The following SLC9A3 variants were observed in gnomAD, a reference collection of about 807,000 sequenced individuals.
SLC9A3 encodes sodium/hydrogen exchanger 3.
A neutral mutation model predicts 86.8 loss-of-function variants in SLC9A3; 37 were observed. That is an observed-to-expected ratio of 0.43 (90% CI 0.33 to 0.56). The LOEUF is 0.56. SLC9A3 is among the 20% of genes least tolerant of loss of function. The pLI is 0.06. For synonymous variants in SLC9A3, 581 were observed against 528.3 expected, an observed-to-expected ratio of 1.10 and a Z score of -1.37; for missense variants, 1,011 against 1,171.9, an observed-to-expected ratio of 0.86 and a Z score of 2.00.
At chr5:506,412 G>A (rs1048462535) in intron 1 of SLC9A3, among the ~76,000 whole-genome samples, 2 of 152,198 alleles carry the variant, frequency 1.3e-5, no homozygotes, top group East Asian at 3.9e-4. Flanking sequence ...GGTGTGCCCC[G>A]TGTCTCCATC....
At position 477,204 on chromosome 5, in the gene SLC9A3, CCT is replaced by C. The variant is rs1738803132; in HGVS notation, c.1760+126_1760+127del. 1.3e-5 allele frequency: 8 copies of C among 635,316 alleles called. No homozygotes were observed. The East Asian group carries it at 2.2e-4, about 18-fold the overall frequency. 39.4% of individuals were successfully genotyped at this position (635,316 alleles called of 1,614,324 possible). On this transcript the variant is annotated intron_variant, in intron 11 of 16. Coordinates refer to ENST00000264938, the MANE Select transcript of SLC9A3 (RefSeq NM_004174.4). ...GGCTTGTGGAAGGAGACACCCACCC[CCT>C]CTTTCTGCACCTCTCCCCTCTTCCA...
intron 1 of SLC9A3, among the ~76,000 whole-genome samples, chr5:505,721 C>T (rs1484602505): frequency 2.8e-5 from 1 of 35,782 alleles, no homozygotes; most frequent in Non-Finnish European, 6.0e-5. Flanking sequence ...AGAGTGACCA[C>T]GGAGAGGGGA....
intron 5 of SLC9A3, among the ~76,000 whole-genome samples, chr5:483,937 A>G (rs1385474042): frequency 6.6e-6 from 1 of 152,258 alleles, no homozygotes; most frequent in Non-Finnish European, 1.5e-5. Flanking sequence ...GCTAGGACAG[A>G]GGGCAGGGGA....
intron 2 of SLC9A3, among the ~76,000 whole-genome samples, chr5:488,935 T>C (rs1560959063): frequency 6.6e-6 from 1 of 151,404 alleles, no homozygotes; most frequent in East Asian, 2.0e-4. Context: ...TGGGGGCAGA[T>C]TGTGGGGATG....
At chr5:482,521 C>T in intron 7 of SLC9A3, 27 bp downstream of exon 7, 1 of 1,590,832 alleles carries the variant, frequency 6.3e-7, no homozygotes. Flanking sequence ...GGGCCGAGAC[C>T]CCAGGGCTGG....
At chr5:509,063 G>A (rs1442534055) in intron 1 of SLC9A3, among the ~76,000 whole-genome samples, 16 of 149,760 alleles carry the variant, frequency 1.1e-4, no homozygotes, top group African/African-American at 3.7e-4. Flanking sequence ...AGCTGAGATC[G>A]CACCACTGCA....
intron 1 of SLC9A3, among the ~76,000 whole-genome samples, chr5:492,586 C>T (rs1002308246): frequency 2.6e-5 from 4 of 151,978 alleles, no homozygotes; most frequent in African/African-American, 4.8e-5. Flanking sequence ...GCTGCTGGAG[C>T]CCCCAGAAGG....
chr5:505,427 G>T (rs1413260700), intron 1 of SLC9A3, among the ~76,000 whole-genome samples: 1 of 2,794 alleles, frequency 3.6e-4, no homozygotes, highest in Non-Finnish European at 6.4e-4. Flanking sequence ...ACTGTAGGAG[G>T]GTGGGGAGTG....
chr5:479,510 TTGGGAC>T, intron 10 of SLC9A3: 1 of 322,536 alleles, frequency 3.1e-6, no homozygotes, highest in Non-Finnish European at 6.0e-6. Context: ...CAGGGCTGTA[TTGGGAC>T]CAGGTCCCGT....
chr5:517,963 A>C (rs1329586071), intron 1 of SLC9A3, among the ~76,000 whole-genome samples: 2 of 151,696 alleles, frequency 1.3e-5, no homozygotes, highest in Non-Finnish European at 2.9e-5. Flanking sequence ...CCTTCCATCC[A>C]TTTACTCATC....
At chr5:505,040 T>G (rs1740482570) in intron 1 of SLC9A3, among the ~76,000 whole-genome samples, 1 of 151,596 alleles carries the variant, frequency 6.6e-6, no homozygotes, top group East Asian at 2.0e-4. Flanking sequence ...GGAAAAGGCC[T>G]CAGAACAGCG....
intron 1 of SLC9A3, among the ~76,000 whole-genome samples, chr5:500,320 G>A (rs563857126): frequency 2.6e-5 from 4 of 152,240 alleles, no homozygotes; most frequent in African/African-American, 7.2e-5. Flanking sequence ...ACTGGGACAC[G>A]CCACGAGGCT....
chr5:508,170 T>A (rs1315680034), intron 1 of SLC9A3, among the ~76,000 whole-genome samples: 1 of 151,894 alleles, frequency 6.6e-6, no homozygotes, highest in Non-Finnish European at 1.5e-5. Context: ...GCGCCCGGGA[T>A]GGAGATGCCG....
intron 1 of SLC9A3, among the ~76,000 whole-genome samples, chr5:493,914 C>A (rs571772950): frequency 6.6e-6 from 1 of 152,198 alleles, no homozygotes. Flanking sequence ...GCTGGAACCA[C>A]GCGACAGTGA....
Position 476,209 on chromosome 5 carries a change from T to TGGGCACGCTCCC in SLC9A3, c.2048_2059dup (p.Arg683_Ala686dup), listed in dbSNP as rs781567865. The TGGGCACGCTCCC allele has an allele frequency of 7.4e-6, 12 of 1,613,748 alleles. No homozygotes were observed. The highest frequency in any genetic ancestry group is 3.3e-4 in the Middle Eastern group (2 of 6,062). ...CTGGTGACCCAGCCTTACCCGCTTC[T>TGGGCACGCTCCC]GGGCACGCTCCCGCTTGTACAGCTT... On this transcript the variant is annotated inframe_insertion, in exon 13 of 17. Coordinates refer to ENST00000264938, the MANE Select transcript of SLC9A3 (RefSeq NM_004174.4).
At chr5:492,095 A>T in intron 1 of SLC9A3, 24 bp from the exon 2 acceptor site, 1 of 902,940 alleles carries the variant, frequency 1.1e-6, no homozygotes, top group Non-Finnish European at 1.4e-6. Context: ...GAGGGAGGTC[A>T]GGGCCGGGCT....
At chr5:518,140 C>T (rs1444766629) in intron 1 of SLC9A3, among the ~76,000 whole-genome samples, 1 of 152,252 alleles carries the variant, frequency 6.6e-6, no homozygotes, top group Non-Finnish European at 1.5e-5. Context: ...GTGGCATCAA[C>T]CTGGTTGAGC....
chr5:479,700 G>C (rs537796840), intron 10 of SLC9A3, 136 bp downstream of exon 10: 1 of 805,284 alleles, frequency 1.2e-6, no homozygotes, highest in South Asian at 1.6e-5. Flanking sequence ...AGGCCCATCA[G>C]CCTCCCGTGA....
chr5:481,475 G>T, intron 9 of SLC9A3, 90 bp downstream of exon 9: 3 of 1,110,402 alleles, frequency 2.7e-6, no homozygotes, highest in Non-Finnish European at 2.8e-6. Context: ...TCAAACAGTT[G>T]TTATGCATGT....
Sources: gnomAD v4.1 joint callset for allele counts (sites outside exome capture counted in the v4.1 genomes callset) on GRCh38, gnomAD v4.1.1 for gene constraint, MANE v1.5 for transcripts, NCBI Gene and HGNC (gene_info 2026-07-23, HGNC 2026-07-21) for gene names.